Variants in CHSY3 observed in about 807,000 individuals in gnomAD.
The protein encoded by CHSY3 is chondroitin sulfate synthase 3, also known as N-acetylgalactosaminyl-proteoglycan 3-beta-glucuronosyltransferase 3.
CHSY3 carries 35 observed loss-of-function variants against 67.2 expected under a neutral mutation model. That is an observed-to-expected ratio of 0.52 (90% CI 0.40 to 0.69). The LOEUF (loss-of-function observed/expected upper bound fraction) is 0.69. Among genes scored for constraint, CHSY3 ranks in the 30% least tolerant of loss-of-function variants. CHSY3 has a pLI of 0.00. For synonymous variants in CHSY3, 474 were observed against 434.7 expected, an observed-to-expected ratio of 1.09 and a Z score of -1.12; for missense variants, 1,069 against 1,138.5, an observed-to-expected ratio of 0.94 and a Z score of 0.88.
Position 130,184,373 on chromosome 5 carries a change from A to T in CHSY3, c.1231A>T (p.Ser411Cys), listed in dbSNP as rs772943491. 2 of 1,614,144 alleles carry T rather than the reference A, an allele frequency of 1.2e-6. No homozygotes were observed. Among genetic ancestry groups the T allele is most frequent in the South Asian group, 2.2e-5 (2 of 91,088 alleles). Residue 411 changes from serine (S) to cysteine (C), a missense_variant, in exon 3 of 3, where the codon AGC becomes TGC. Transcript: ENST00000305031. ...YQYRLHNYML[S>C]RKISELRYRT... ...ATACAGGCTGCATAATTACATGCTC[A>T]GCCGCAAAATTTCTGAACTTCGCTA...
chr5:130,094,456 CTA>C (rs1766982482), intron 2 of CHSY3, among the ~76,000 whole-genome samples: 1 of 152,036 alleles, frequency 6.6e-6, no homozygotes, highest in African/African-American at 2.4e-5. Context: ...TTAAAATGCG[CTA>C]TTTAATTCTA....
Position 130,184,292 on chromosome 5 carries a change from A to C in CHSY3, c.1150A>C (p.Asn384His). The C allele has an allele frequency of 6.2e-7, 1 of 1,613,810 alleles. No individual in the cohort carries two copies. Among genetic ancestry groups the C allele is most frequent in the Non-Finnish European group, 8.5e-7 (1 of 1,179,824 alleles). ...GAAGGGTTACATCCAAGACCTTCAC[A>C]ATAGCAAAATCCATGCAGCCATAAC... The part of the protein sequence containing the change: ...NRKGYIQDLH[N>H]SKIHAAITLH... Residue 384 changes from asparagine to histidine, a missense_variant, in exon 3 of 3, where the codon AAT (asparagine) becomes CAT (histidine). Transcript: ENST00000305031.
At chr5:130,119,640 T>G (rs982889664) in intron 2 of CHSY3, among the ~76,000 whole-genome samples, 1 of 152,108 alleles carries the variant, frequency 6.6e-6, no homozygotes, top group African/African-American at 2.4e-5. Context: ...TTGCTTATAT[T>G]CTTGACTCAG....
intron 2 of CHSY3, among the ~76,000 whole-genome samples, chr5:130,112,078 G>A (rs962811541): frequency 2.0e-5 from 3 of 152,076 alleles, no homozygotes; most frequent in Non-Finnish European, 4.4e-5. Context: ...TTGATTCTCA[G>A]ACTGTGGTTC....
At chr5:130,180,439 A>G (rs2149737058) in intron 2 of CHSY3, among the ~76,000 whole-genome samples, 1 of 152,306 alleles carries the variant, frequency 6.6e-6, no homozygotes, top group East Asian at 1.9e-4. Flanking sequence ...CAGTTATACA[A>G]TCATTACCAC....
At chr5:130,091,160 ACACT>A (rs550434674) in intron 2 of CHSY3, among the ~76,000 whole-genome samples, 48 of 151,634 alleles carry the variant, frequency 3.2e-4, no homozygotes, top group African/African-American at 1.1e-3. Flanking sequence ...ACACACACAC[ACACT>A]ACTTTTGTTC....
At chr5:130,171,771 C>T (rs1238888752) in intron 2 of CHSY3, among the ~76,000 whole-genome samples, 75 of 152,096 alleles carry the variant, frequency 4.9e-4, no homozygotes. Context: ...GGATTTCAAC[C>T]AAGACTGAAC....
chr5:130,184,097 A>G (rs1295144930), intron 2 of CHSY3, 132 bp from the exon 3 acceptor site: 2 of 740,832 alleles, frequency 2.7e-6, no homozygotes, highest in Non-Finnish European at 3.8e-6. Context: ...AATATTACAA[A>G]CCATTTTTGT....
chr5:130,170,561 C>A (rs1446098590), intron 2 of CHSY3, among the ~76,000 whole-genome samples: 1 of 152,024 alleles, frequency 6.6e-6, no homozygotes, highest in Non-Finnish European at 1.5e-5. Context: ...ATTTTAGTTC[C>A]ATACTGTTTT....
At chr5:130,097,449 C>A (rs1767086927) in intron 2 of CHSY3, among the ~76,000 whole-genome samples, 2 of 152,158 alleles carry the variant, frequency 1.3e-5, no homozygotes, top group Non-Finnish European at 2.9e-5. Flanking sequence ...AGATGAACCT[C>A]CAGGAGAGGC....
chr5:130,110,309 A>G (rs1056925771), intron 2 of CHSY3, among the ~76,000 whole-genome samples: 3 of 151,878 alleles, frequency 2.0e-5, no homozygotes, highest in Non-Finnish European at 4.4e-5. Context: ...AACCATAAAG[A>G]GCTCTGTTTT....
chr5:130,016,097 G>T lies in CHSY3; in HGVS notation c.1086+107737G>T, dbSNP rs76433867. Among the ~76,000 whole-genome samples the T allele has an allele frequency of 5.4e-3, 824 of 152,316 alleles. 5 individuals carry two copies. The highest frequency in any genetic ancestry group is 0.019 in the African/African-American group (784 of 41,582). On this transcript the variant is annotated intron_variant, in intron 2 of 2. Coordinates refer to ENST00000305031, the MANE Select transcript of CHSY3 (RefSeq NM_175856.5). ...TGAGCCTACTTGAAGGTGGAAGGAA[G>T]GATGGTAAGGATTGAAAAACTGCCT...
At chr5:130,133,091 A>C (rs1768535016) in intron 2 of CHSY3, among the ~76,000 whole-genome samples, 1 of 152,216 alleles carries the variant, frequency 6.6e-6, no homozygotes, top group Non-Finnish European at 1.5e-5. Flanking sequence ...ATGGGTGGGC[A>C]TGCTGGAGAG....
chr5:129,950,449 A>T (rs1034002079), intron 2 of CHSY3, among the ~76,000 whole-genome samples: 1 of 152,174 alleles, frequency 6.6e-6, no homozygotes, highest in African/African-American at 2.4e-5. Flanking sequence ...AAGAAAGAAA[A>T]GGCATCTAAA....
intron 2 of CHSY3, among the ~76,000 whole-genome samples, chr5:130,117,955 T>G (rs532727814): frequency 6.6e-6 from 1 of 152,198 alleles, no homozygotes; most frequent in Admixed American, 6.6e-5. Context: ...ATTCCGTGAA[T>G]GGCTTAGCAC....
chr5:130,060,136 C>T (rs1309644963), intron 2 of CHSY3, among the ~76,000 whole-genome samples: 2 of 152,122 alleles, frequency 1.3e-5, no homozygotes, highest in African/African-American at 4.8e-5. Flanking sequence ...TACAAGGCAA[C>T]ATCCCTGATA....
At chr5:129,926,426 G>A (rs1761112148) in intron 2 of CHSY3, among the ~76,000 whole-genome samples, 2 of 151,986 alleles carry the variant, frequency 1.3e-5, no homozygotes, top group South Asian at 4.1e-4. Flanking sequence ...TCTTAATTGA[G>A]TTGTAGGTAC....
chr5:130,177,254 G>T (rs1159960679), intron 2 of CHSY3, among the ~76,000 whole-genome samples: 2 of 150,284 alleles, frequency 1.3e-5, no homozygotes, highest in Non-Finnish European at 3.0e-5. Flanking sequence ...TATATGTTTT[G>T]TATTCTTCAC....
rs56946550 is a variant in CHSY3 at position 129,928,741 on chromosome 5, A to T, written c.1086+20381A>T. On this transcript the variant is annotated intron_variant, in intron 2 of 2. Transcript: ENST00000305031. Reference sequence around the variant, plus strand: ...ACATTTCTGAGTGTATAAAATAATGATAGTAATAAGCATAAAATTGATTTA... The same window carrying T: ...ACATTTCTGAGTGTATAAAATAATGTTAGTAATAAGCATAAAATTGATTTA... Among the ~76,000 whole-genome samples, 1,470 of 152,258 alleles carry T rather than the reference A, an allele frequency of 9.7e-3. 22 individuals carry two copies. The highest frequency in any genetic ancestry group is 0.034 in the African/African-American group (1,393 of 41,554).
Sources: gnomAD v4.1 joint callset for allele counts (sites outside exome capture counted in the v4.1 genomes callset) on GRCh38, gnomAD v4.1.1 for gene constraint, MANE v1.5 for transcripts, NCBI Gene and HGNC (gene_info 2026-07-23, HGNC 2026-07-21) for gene names.